Variants in PIK3C2G observed in about 807,000 individuals in gnomAD.
The protein encoded by PIK3C2G is phosphatidylinositol-4-phosphate 3-kinase catalytic subunit type 2 gamma, also known as phosphatidylinositol 3-kinase C2 domain-containing subunit gamma.
PIK3C2G carries 168 observed loss-of-function variants against 181.1 expected under a neutral mutation model. That is an observed-to-expected ratio of 0.93 (90% CI 0.82 to 1.05). The LOEUF (loss-of-function observed/expected upper bound fraction) is 1.05, where lower values mean the gene tolerates loss of function less well. Ranked by LOEUF, PIK3C2G falls within the 50% of genes least tolerant of loss-of-function variation. PIK3C2G has a pLI of 0.00. For synonymous variants in PIK3C2G, 573 were observed against 592.2 expected (o/e 0.97, Z 0.47); for missense variants, 1,869 against 1,732.8 (o/e 1.08, Z -1.40).
the PIK3C2G span, among the ~76,000 whole-genome samples, chr12:18,702,047 T>C: frequency 2.6e-5 from 4 of 152,140 alleles, no homozygotes; most frequent in Non-Finnish European, 4.4e-5. Context: ...TTGGTACTAT[T>C]CCAACAATTT....
the PIK3C2G span, among the ~76,000 whole-genome samples, chr12:18,711,213 G>A: frequency 6.6e-6 from 1 of 151,802 alleles, no homozygotes; most frequent in Non-Finnish European, 1.5e-5. Flanking sequence ...CATAAAAAAT[G>A]AAGAGTTCAT....
At chr12:18,413,305 T>C (rs577748998) in intron 16 of PIK3C2G, among the ~76,000 whole-genome samples, 93 of 152,248 alleles carry the variant, frequency 6.1e-4, no homozygotes, top group Non-Finnish European at 1.1e-3. Flanking sequence ...TTGTGTTTCC[T>C]CCCTGTTAAG....
intron 5 of PIK3C2G, among the ~76,000 whole-genome samples, chr12:18,307,636 T>G (rs1486891444): frequency 6.6e-6 from 1 of 151,948 alleles, no homozygotes; most frequent in East Asian, 1.9e-4. Context: ...CTTTCATTTC[T>G]CTTTCTCTTG....
At chr12:18,699,822 T>G in the PIK3C2G span, 1 of 1,613,610 alleles carries the variant, frequency 6.2e-7, no homozygotes, top group South Asian at 1.1e-5. Flanking sequence ...TTCGGGCTTG[T>G]GTCTCCCCAA....
At chr12:18,376,173 T>C (rs1384810605) in intron 13 of PIK3C2G, among the ~76,000 whole-genome samples, 1 of 152,134 alleles carries the variant, frequency 6.6e-6, no homozygotes, top group Non-Finnish European at 1.5e-5. Flanking sequence ...TCTGGAATGG[T>C]AGAGCCACCA....
chr12:18,487,984 C>T (rs1940218128), intron 18 of PIK3C2G, among the ~76,000 whole-genome samples: 1 of 152,014 alleles, frequency 6.6e-6, no homozygotes, highest in African/African-American at 2.4e-5. Context: ...AGGGGAGGTG[C>T]TCGGAAAAAG....
the PIK3C2G span, among the ~76,000 whole-genome samples, chr12:18,717,741 C>A: frequency 5.4e-4 from 82 of 152,178 alleles, no homozygotes; most frequent in African/African-American, 2.0e-3. Flanking sequence ...CCTCTCTTTC[C>A]CTCATATCTC....
At chr12:18,530,819 A>G (rs953942284) in intron 24 of PIK3C2G, among the ~76,000 whole-genome samples, 1 of 151,990 alleles carries the variant, frequency 6.6e-6, no homozygotes, top group African/African-American at 2.4e-5. Flanking sequence ...CCCTCACCTT[A>G]TGCCATGATT....
chr12:18,712,733 A>C, the PIK3C2G span: 6 of 1,352,070 alleles, frequency 4.4e-6, no homozygotes, highest in African/African-American at 8.6e-5. Context: ...CATAACCCAC[A>C]ATTTGAAATA....
intron 22 of PIK3C2G, among the ~76,000 whole-genome samples, chr12:18,499,706 T>C (rs543670839): frequency 6.6e-6 from 1 of 152,262 alleles, no homozygotes; most frequent in South Asian, 2.1e-4. Context: ...GGCTCAAAGG[T>C]TGATTGCAAA....
At chr12:18,559,793 T>TAC (rs1945214809) in intron 26 of PIK3C2G, among the ~76,000 whole-genome samples, 5 of 46,052 alleles carry the variant, frequency 1.1e-4, no homozygotes, top group African/African-American at 4.4e-4. Context: ...TATATATATA[T>TAC]ATATATATAT....
At chr12:18,687,434 AG>A in the PIK3C2G span, among the ~76,000 whole-genome samples, 1 of 152,150 alleles carries the variant, frequency 6.6e-6, no homozygotes, top group African/African-American at 2.4e-5. Context: ...GATCCTGACC[AG>A]GGATCAATCC....
intron 16 of PIK3C2G, among the ~76,000 whole-genome samples, chr12:18,419,754 T>C (rs966722711): frequency 6.6e-6 from 1 of 152,196 alleles, no homozygotes; most frequent in Non-Finnish European, 1.5e-5. Context: ...CTTGTTGCAA[T>C]TAAAATGCTC....
chr12:18,272,930 T>C (rs532684332), intron 1 of PIK3C2G, among the ~76,000 whole-genome samples: 1 of 152,156 alleles, frequency 6.6e-6, no homozygotes, highest in South Asian at 2.1e-4. Flanking sequence ...ATGCTCATTG[T>C]ACTGAAATGA....
intron 16 of PIK3C2G, among the ~76,000 whole-genome samples, chr12:18,414,950 T>C (rs1945091213): frequency 6.6e-6 from 1 of 152,208 alleles, no homozygotes; most frequent in African/African-American, 2.4e-5. Flanking sequence ...TTCAGCTTCT[T>C]CTGGAACTTC....
At chr12:18,408,247 G>A (rs997668850) in intron 16 of PIK3C2G, among the ~76,000 whole-genome samples, 3 of 152,148 alleles carry the variant, frequency 2.0e-5, no homozygotes, top group Admixed American at 6.5e-5. Context: ...TGTATAAGGT[G>A]TAAAGAAGGG....
At position 18,623,739 on chromosome 12, in the gene PIK3C2G, G is replaced by A. The variant is rs189465204; in HGVS notation, c.4182+14110G>A. On this transcript the variant is annotated intron_variant, in intron 31 of 32. Transcript: ENST00000538779. ...TTCCATTAATGTTTTATATTTTTCAGTGTACAGGTCTTTTGCCTCCTTTGT... is the reference window on the plus strand; with the variant it reads ...TTCCATTAATGTTTTATATTTTTCAATGTACAGGTCTTTTGCCTCCTTTGT... Among the ~76,000 whole-genome samples, 88 of 151,580 alleles carry A rather than the reference G, an allele frequency of 5.8e-4. 1 individual carries two copies. The highest frequency in any genetic ancestry group is 2.0e-3 in the Admixed American group (30 of 15,208).
At chr12:18,350,296 A>T (rs1940101252) in intron 11 of PIK3C2G, among the ~76,000 whole-genome samples, 1 of 152,168 alleles carries the variant, frequency 6.6e-6, no homozygotes, top group African/African-American at 2.4e-5. Context: ...GTCAGTAAAC[A>T]TTATTTTTAA....
intron 18 of PIK3C2G, among the ~76,000 whole-genome samples, chr12:18,440,643 G>A (rs1231026673): frequency 6.6e-6 from 1 of 152,094 alleles, no homozygotes; most frequent in Non-Finnish European, 1.5e-5. Flanking sequence ...GTGTTGGGAG[G>A]ACAACAATGG....
Sources: gnomAD v4.1 joint callset for allele counts (sites outside exome capture counted in the v4.1 genomes callset) on GRCh38, gnomAD v4.1.1 for gene constraint, MANE v1.5 for transcripts, NCBI Gene and HGNC (gene_info 2026-07-23, HGNC 2026-07-21) for gene names.